The following KCTD2 variants were observed in gnomAD, a reference collection of about 807,000 sequenced individuals.
The protein encoded by KCTD2 is BTB/POZ domain-containing protein KCTD2.
Under a neutral mutation model 27.9 loss-of-function variants are expected in KCTD2, and 18 were observed. The ratio of observed to expected loss-of-function variants is 0.64; its 90% confidence interval spans 0.45 to 0.96. The LOEUF (loss-of-function observed/expected upper bound fraction) is 0.96, where lower values mean the gene tolerates loss of function less well. KCTD2 is among the 40% of genes least tolerant of loss of function. The pLI is 0.00. For missense variants in KCTD2, 280 were observed against 348.0 expected (o/e 0.80, Z 1.56); for synonymous variants, 175 against 148.4 (o/e 1.18, Z -1.30).
chr17:75,046,618 T>TC (rs1285781215), upstream of KCTD2, among the ~76,000 whole-genome samples: 2 of 152,048 alleles, frequency 1.3e-5, no homozygotes, highest in Non-Finnish European at 1.5e-5. Context: ...GTTTCCCCAG[T>TC]CCCCCCACCA....
chr17:75,033,723 T>G (rs909548337), intron 1 of KCTD2, among the ~76,000 whole-genome samples: 1 of 152,228 alleles, frequency 6.6e-6, no homozygotes, highest in African/African-American at 2.4e-5. Flanking sequence ...GGCTGGGGGC[T>G]GGTGCTCGCT....
In KCTD2 at chr17:75,062,262, C is replaced by T. The variant is rs534164555; in HGVS notation, c.762+17C>T. On this transcript the variant is annotated intron_variant, in intron 5 of 5. Transcript: ENST00000322444. ...AAGGCGAAGGTAAGGAGCCCCTTCC[C>T]TGGGCAGTTGCCTCTGGCTTGCTTG... is the stretch of plus-strand genomic sequence containing the variant. The T allele has an allele frequency of 1.9e-6, 3 of 1,605,962 alleles. No homozygotes were observed. The highest frequency in any genetic ancestry group is 2.5e-6 in the Non-Finnish European group (3 of 1,176,618).
chr17:75,035,663 C>CA, intron 3 of KCTD2, among the ~76,000 whole-genome samples: 1 of 152,120 alleles, frequency 6.6e-6, no homozygotes, highest in East Asian at 1.9e-4. Flanking sequence ...ACTAAAAATA[C>CA]AAAAATACAA....
chr17:75,040,064 A>AAATG (rs2073143428), intron 3 of KCTD2: 1 of 1,612,064 alleles, frequency 6.2e-7, no homozygotes, highest in African/African-American at 1.3e-5. Context: ...AGAGAATTTT[A>AAATG]GAATAAGCAG....
At chr17:75,058,714 G>A (rs558253101) in intron 3 of KCTD2, among the ~76,000 whole-genome samples, 2 of 152,200 alleles carry the variant, frequency 1.3e-5, no homozygotes, top group South Asian at 2.1e-4. Flanking sequence ...CGGGAGAATC[G>A]CTTGAACCGG....
At chr17:75,033,069 G>A (rs2040079468) in intron 1 of KCTD2, 1 of 152,218 alleles carries the variant, frequency 6.6e-6, no homozygotes, top group African/African-American at 2.4e-5. Context: ...CGCTGCCCTT[G>A]GCTGAACTTC....
Position 75,048,402 on chromosome 17 carries a change from C to A in KCTD2, c.339+813C>A, listed in dbSNP as rs191128467. 1.1e-4 allele frequency among the ~76,000 whole-genome samples: 17 copies of A among 152,270 alleles called. 1 individual carries two copies. The East Asian group carries it at 3.3e-3, about 29-fold the overall frequency. ...GACCATAACTCACACCATCTTATAT[C>A]CCATATAGCACTCAGCTGGTGACCT... On this transcript the variant is annotated intron_variant, in intron 1 of 5. Coordinates refer to ENST00000322444, the MANE Select transcript of KCTD2 (RefSeq NM_015353.3).
At chr17:75,043,206 G>A (rs1281954239), upstream of KCTD2, among the ~76,000 whole-genome samples, 1 of 152,170 alleles carries the variant, frequency 6.6e-6, no homozygotes, top group East Asian at 1.9e-4. Flanking sequence ...GGGCAACACA[G>A]CAAGAGTCCG....
chr17:75,039,238 T>G, intron 3 of KCTD2: 1 of 1,614,144 alleles, frequency 6.2e-7, no homozygotes, highest in Non-Finnish European at 8.5e-7. Context: ...ATCCTGGCCT[T>G]TGAGAGAGAC....
At chr17:75,036,271 C>T (rs1238416505) in intron 3 of KCTD2, among the ~76,000 whole-genome samples, 1 of 152,048 alleles carries the variant, frequency 6.6e-6, no homozygotes, top group African/African-American at 2.4e-5. Context: ...TACAGGCGCC[C>T]GCCACCACAC....
intron 4 of KCTD2, among the ~76,000 whole-genome samples, chr17:75,061,315 GA>G (rs755212224): frequency 2.2e-4 from 34 of 152,222 alleles, no homozygotes; most frequent in East Asian, 1.7e-3. Flanking sequence ...TTCCTCTTTA[GA>G]ATTAAATTCT....
At position 75,062,680 on chromosome 17, in the gene KCTD2, G is replaced by A. The variant is rs973527858; in HGVS notation, c.763-338G>A. ...GAAAACTGTTTCTTTTCCCTCCACT[G>A]TGCACCCCCCTCACCCCCAACACAC... On this transcript the variant is annotated intron_variant, in intron 5 of 5. Transcript: ENST00000322444. Among the ~76,000 whole-genome samples the A allele has an allele frequency of 4.6e-5, 5 of 107,680 alleles. No homozygotes were observed. In the Admixed American group the frequency reaches 5.1e-4, roughly 11 times the overall value. The allele number at this position is 107,680 out of a possible 152,430, so 70.6% of individuals were successfully genotyped here.
At chr17:75,038,650 G>GA (rs1305176997) in intron 3 of KCTD2, among the ~76,000 whole-genome samples, 1 of 152,150 alleles carries the variant, frequency 6.6e-6, no homozygotes, top group Non-Finnish European at 1.5e-5. Flanking sequence ...ACATCACAGT[G>GA]AAATACACTG....
At chr17:75,046,665 C>A (rs1204912206), upstream of KCTD2, among the ~76,000 whole-genome samples, 1 of 152,226 alleles carries the variant, frequency 6.6e-6, no homozygotes, top group Admixed American at 6.5e-5. Flanking sequence ...GCGGACTGCA[C>A]GAGACACGGC....
intron 2 of KCTD2, among the ~76,000 whole-genome samples, chr17:75,050,851 GT>G (rs1300228224): frequency 6.6e-6 from 1 of 151,590 alleles, no homozygotes; most frequent in East Asian, 2.0e-4. Flanking sequence ...TCTTTTTGTT[GT>G]TTTTTTAAGA....
At chr17:75,044,147 C>G (rs2073188655), upstream of KCTD2, among the ~76,000 whole-genome samples, 1 of 150,292 alleles carries the variant, frequency 6.7e-6, no homozygotes, top group African/African-American at 2.5e-5. Context: ...GCCTCAGCCT[C>G]CGGAGTAGCT....
At chr17:75,060,578 C>T in intron 4 of KCTD2, 1 of 1,611,408 alleles carries the variant, frequency 6.2e-7, no homozygotes, top group South Asian at 1.1e-5. Context: ...TGGCAAAGAG[C>T]AGCTGGCCGG....
chr17:75,044,573 C>T (rs578217661), upstream of KCTD2, among the ~76,000 whole-genome samples: 12 of 150,450 alleles, frequency 8.0e-5, no homozygotes, highest in African/African-American at 2.4e-5. Context: ...AACTCCAGAC[C>T]TCAGGTGATC....
intron 3 of KCTD2, among the ~76,000 whole-genome samples, chr17:75,035,638 T>C (rs1187240099): frequency 1.3e-5 from 2 of 152,024 alleles, no homozygotes; most frequent in African/African-American, 4.8e-5. Context: ...ACCAACATGG[T>C]GAAACCCCGT....
Sources: gnomAD v4.1 joint callset for allele counts (sites outside exome capture counted in the v4.1 genomes callset) on GRCh38, gnomAD v4.1.1 for gene constraint, MANE v1.5 for transcripts, NCBI Gene and HGNC (gene_info 2026-07-23, HGNC 2026-07-21) for gene names.